PCDHGB5: variants seen among roughly 807,000 people sequenced by gnomAD.
The protein encoded by PCDHGB5 is protocadherin gamma-B5.
PCDHGB5 carries 48 observed loss-of-function variants against 62.9 expected under a neutral mutation model. The observed-to-expected ratio is 0.76, with a 90% CI of 0.61 to 0.97. PCDHGB5 has a LOEUF of 0.97. Ranked by LOEUF, PCDHGB5 falls within the 50% of genes least tolerant of loss-of-function variation. The pLI is 0.00. For synonymous variants in PCDHGB5, 474 were observed against 511.2 expected (o/e 0.93, Z 0.98); for missense variants, 1,118 against 1,198.6 (o/e 0.93, Z 0.99).
At chr5:141,446,049 G>T (rs1043671484) in intron 1 of PCDHGB5, among the ~76,000 whole-genome samples, 1 of 152,100 alleles carries the variant, frequency 6.6e-6, no homozygotes, top group African/African-American at 2.4e-5. Context: ...AAGAAGAGCT[G>T]GCTTGGATTA....
rs764434052 is a variant in PCDHGB5, at chr5:141,431,792, C to T, written c.2397+31268C>T. ...TGTTCTGGACGTGAACGACAATGCC[C>T]CAGAAGTGGTCCTCACCTCTCTCGC... is the stretch of plus-strand genomic sequence containing the variant. On this transcript the variant is annotated intron_variant, in intron 1 of 3. Transcript: ENST00000617380. This position sits in a 1 kb window ranked among gnomAD's most constrained non-coding sequence, Gnocchi z 4.8. The T allele has an allele frequency of 3.7e-6, 6 of 1,614,234 alleles. No homozygotes were observed. The South Asian group carries it at 6.6e-5, about 18-fold the overall frequency.
rs1317111249 is a variant in PCDHGB5, at chr5:141,413,333, C to A, written c.2397+12809C>A. 3.1e-6 allele frequency: 5 copies of A among 1,613,966 alleles called. No individual in the cohort carries two copies. The Admixed American group carries it at 6.7e-5, about 22-fold the overall frequency. On this transcript the variant is annotated intron_variant, in intron 1 of 3. Coordinates refer to ENST00000617380, the MANE Select transcript of PCDHGB5 (RefSeq NM_018925.3). ...AAAGGCTCTTTCGTGGGCAACATCTCCAAGGACTTGGGTCTGGCGCCCCGG... is the reference window on the plus strand; with the variant it reads ...AAAGGCTCTTTCGTGGGCAACATCTACAAGGACTTGGGTCTGGCGCCCCGG...
At chr5:141,402,930 G>A (rs1260331134) in intron 1 of PCDHGB5, 1 of 1,584,094 alleles carries the variant, frequency 6.3e-7, no homozygotes, top group Non-Finnish European at 8.6e-7. Flanking sequence ...ATCCTTTTGA[G>A]AAAATTCCAA....
intron 1 of PCDHGB5, chr5:141,471,509 TA>T (rs1211467109): frequency 6.6e-6 from 1 of 152,008 alleles, no homozygotes; most frequent in Non-Finnish European, 1.5e-5. Context: ...AGAGAGGGAG[TA>T]AAAATAACAG....
At chr5:141,464,682 T>C (rs1442997972) in intron 1 of PCDHGB5, among the ~76,000 whole-genome samples, 1 of 152,132 alleles carries the variant, frequency 6.6e-6, no homozygotes, top group Non-Finnish European at 1.5e-5. Flanking sequence ...TTAATTAAAA[T>C]TTCTCTTATT....
At chr5:141,454,181 G>A (rs1290295830) in intron 1 of PCDHGB5, among the ~76,000 whole-genome samples, 1 of 152,200 alleles carries the variant, frequency 6.6e-6, no homozygotes, top group Non-Finnish European at 1.5e-5. Context: ...GCAGCTAAAG[G>A]AGCTTAGTGA....
At chr5:141,501,326 CACACACA>C (rs1562200783) in intron 2 of PCDHGB5, among the ~76,000 whole-genome samples, 10 of 151,784 alleles carry the variant, frequency 6.6e-5, no homozygotes, top group African/African-American at 1.9e-4. Flanking sequence ...CACACACACA[CACACACA>C]CCCCAAACTC....
In PCDHGB5 at chr5:141,439,058, TGGCA is replaced by T. The variant is rs1241503235; in HGVS notation, c.2397+38538_2397+38541del. On this transcript the variant is annotated intron_variant, in intron 1 of 3. Transcript: ENST00000617380. ...CAGTTCATAAGATTTCCATATTGTG[TGGCA>T]GGCGCCTGTAATCCCAGCTACTCAG... 2.0e-5 allele frequency among the ~76,000 whole-genome samples: 3 copies of T among 151,580 alleles called. No individual in the cohort carries two copies. The East Asian group carries it at 5.9e-4, about 30-fold the overall frequency.
At chr5:141,478,173 A>G (rs1397071220) in intron 1 of PCDHGB5, 1 of 1,613,986 alleles carries the variant, frequency 6.2e-7, no homozygotes, top group Non-Finnish European at 8.5e-7. Flanking sequence ...CCCCGGGAGC[A>G]GAAAAAAAAT....
chr5:141,481,312 T>C (rs953898526), intron 1 of PCDHGB5, among the ~76,000 whole-genome samples: 1 of 152,200 alleles, frequency 6.6e-6, no homozygotes, highest in Non-Finnish European at 1.5e-5. Flanking sequence ...AAAACCTTCC[T>C]AAAGCACTAG....
In PCDHGB5 at chr5:141,398,844, C is replaced by A; in HGVS notation, c.717C>A (p.Pro239=). The part of the protein sequence containing the change: ...RIQVTDANDN[P]PVFNRDVYRV... Reference sequence around the variant, plus strand: ...AGGTAACCGACGCCAATGATAATCCCCCGGTATTCAACCGAGACGTGTACA... The same window carrying A: ...AGGTAACCGACGCCAATGATAATCCACCGGTATTCAACCGAGACGTGTACA... The change falls in exon 1 of 4, where the codon CCC becomes CCA. Residue 239 remains proline, a synonymous_variant. Transcript: ENST00000617380. 6.2e-7 allele frequency: 1 copy of A among 1,613,966 alleles called. No homozygotes were observed. The highest frequency in any genetic ancestry group is 8.5e-7 in the Non-Finnish European group (1 of 1,179,900).
In PCDHGB5 at chr5:141,432,085, G is replaced by A. The variant is rs144065251; in HGVS notation, c.2397+31561G>A. 2.2e-4 allele frequency: 353 copies of A among 1,614,164 alleles called. 1 individual carries two copies. The African/African-American group carries it at 4.2e-3, about 19-fold the overall frequency. ...CGGAAACTCATATCTCGCTGAACGT[G>A]GCAGACACCAACGACAACCCGCCGG... On this transcript the variant is annotated intron_variant, in intron 1 of 3. Transcript: ENST00000617380. This position sits in a 1 kb window ranked among gnomAD's most constrained non-coding sequence, Gnocchi z 6.0.
chr5:141,444,280 T>C (rs1217749098), intron 1 of PCDHGB5, among the ~76,000 whole-genome samples: 1 of 147,614 alleles, frequency 6.8e-6, no homozygotes, highest in East Asian at 2.1e-4. Context: ...CAAGTGATTC[T>C]CCTGCCTCAG....
At chr5:141,424,960 C>T (rs1291822416) in intron 1 of PCDHGB5, among the ~76,000 whole-genome samples, 1 of 152,102 alleles carries the variant, frequency 6.6e-6, no homozygotes, top group African/African-American at 2.4e-5. Context: ...AGGTATTTGC[C>T]CCAAATTACT....
At chr5:141,470,173 A>G (rs527296791) in intron 1 of PCDHGB5, among the ~76,000 whole-genome samples, 1 of 152,342 alleles carries the variant, frequency 6.6e-6, no homozygotes, top group South Asian at 2.1e-4. Context: ...AAGTATGCAA[A>G]ATATTCAAGT....
chr5:141,450,110 G>C (rs2098669636), intron 1 of PCDHGB5, among the ~76,000 whole-genome samples: 1 of 147,716 alleles, frequency 6.8e-6, no homozygotes. Context: ...AGGTTCAAAT[G>C]ATTCTCCTGC....
At chr5:141,465,812 T>A (rs533291720) in intron 1 of PCDHGB5, among the ~76,000 whole-genome samples, 1 of 152,082 alleles carries the variant, frequency 6.6e-6, no homozygotes, top group South Asian at 2.1e-4. Flanking sequence ...TTCAGGATCT[T>A]GATCACATTT....
chr5:141,482,747 G>T lies in PCDHGB5; in HGVS notation c.2398-12060G>T, dbSNP rs182945398. On this transcript the variant is annotated intron_variant, in intron 1 of 3. Transcript: ENST00000617380. ...CATTGCAAGAAATTCCATGCAGAGG[G>T]ATTATGGTATTTCATTATCACTGAA... Among the ~76,000 whole-genome samples, 567 of 128,410 alleles carry T rather than the reference G, an allele frequency of 4.4e-3. 2 individuals carry two copies. The highest frequency in any genetic ancestry group is 0.019 in the African/African-American group (533 of 28,666). The allele number at this position is 128,410 out of a possible 152,430, so 84.2% of individuals were successfully genotyped here. A position where few individuals can be genotyped will look rare whatever the true frequency, so the allele number is the denominator to read the frequency against.
intron 1 of PCDHGB5, among the ~76,000 whole-genome samples, chr5:141,463,966 A>C (rs923614502): frequency 4.6e-5 from 7 of 152,196 alleles, no homozygotes; most frequent in African/African-American, 1.7e-4. Context: ...AAATAGCTTC[A>C]TAAAACTCCA....
Sources: gnomAD v4.1 joint callset for allele counts (sites outside exome capture counted in the v4.1 genomes callset) on GRCh38, gnomAD v4.1.1 for gene constraint, Gnocchi (gnomAD v3.1) non-coding constraint, MANE v1.5 for transcripts, NCBI Gene and HGNC (gene_info 2026-07-23, HGNC 2026-07-21) for gene names.